Variants in PDE1C observed in about 807,000 individuals in gnomAD.
PDE1C encodes the protein dual specificity calcium/calmodulin-dependent 3',5'-cyclic nucleotide phosphodiesterase 1C.
A neutral mutation model predicts 93.1 loss-of-function variants in PDE1C; 62 were observed. The observed-to-expected ratio is 0.67, with a 90% CI of 0.54 to 0.82. The LOEUF (loss-of-function observed/expected upper bound fraction) is 0.82, where lower values mean the gene tolerates loss of function less well. Among genes scored for constraint, PDE1C ranks in the 40% least tolerant of loss-of-function variants. The probability of loss-of-function intolerance (pLI) is 0.00; values close to 1 mark genes in which losing one functional copy is unlikely to be tolerated. For missense variants in PDE1C, 742 were observed against 884.6 expected (o/e 0.84, Z 2.04); for synonymous variants, 325 against 310.1 (o/e 1.05, Z -0.50).
At chr7:32,219,205 G>C (rs1806653090) in intron 1 of PDE1C, among the ~76,000 whole-genome samples, 2 of 152,188 alleles carry the variant, frequency 1.3e-5, no homozygotes, top group African/African-American at 4.8e-5. Flanking sequence ...GGAGTGACTA[G>C]TAGTGAGAGG....
chr7:32,396,659 A>T (rs1019205875), intron 1 of PDE1C, among the ~76,000 whole-genome samples: 9 of 152,228 alleles, frequency 5.9e-5, no homozygotes, highest in Non-Finnish European at 1.2e-4. Flanking sequence ...TCACTGTAGA[A>T]TACAGACAGA....
intron 2 of PDE1C, among the ~76,000 whole-genome samples, chr7:31,884,158 G>C (rs1797601018): frequency 6.6e-6 from 1 of 152,048 alleles, no homozygotes; most frequent in South Asian, 2.1e-4. Flanking sequence ...TCTGTTTATG[G>C]AAGAACACCC....
Position 31,772,380 on chromosome 7 carries a change from A to C in PDE1C, c.1960+3284T>G, listed in dbSNP as rs539824706. On this transcript the variant is annotated intron_variant, in intron 17 of 17. Transcript: ENST00000396191. ...TGTCCTGTATTCAGGTTATAGCCCTAGCTCTGATTCCCAGTGTCCCCTGCA... is the reference window on the plus strand; with the variant it reads ...TGTCCTGTATTCAGGTTATAGCCCTCGCTCTGATTCCCAGTGTCCCCTGCA... 7.0e-4 allele frequency among the ~76,000 whole-genome samples: 106 copies of C among 152,186 alleles called. 1 individual carries two copies. Among genetic ancestry groups the C allele is most frequent in the South Asian group, 2.9e-3 (14 of 4,828 alleles).
Position 31,994,818 on chromosome 7 carries a change from A to G in PDE1C, c.128+56736T>C, listed in dbSNP as rs116008527. On this transcript the variant is annotated intron_variant, in intron 2 of 17. Coordinates refer to ENST00000396191, the MANE Select transcript of PDE1C (RefSeq NM_001191057.4). ...CGGCACAATTACAAAGAGTAACTGC[A>G]TAGAATATCTGTTCAGTTACCACTC... Among the ~76,000 whole-genome samples, 1,278 of 152,322 alleles carry G rather than the reference A, an allele frequency of 8.4e-3. 21 individuals carry two copies. Among genetic ancestry groups the G allele is most frequent in the African/African-American group, 0.029 (1,225 of 41,572 alleles).
chr7:31,954,693 T>C (rs1429785121), intron 2 of PDE1C, among the ~76,000 whole-genome samples: 2 of 152,188 alleles, frequency 1.3e-5, no homozygotes, highest in Non-Finnish European at 2.9e-5. Context: ...AAAACCACCA[T>C]AGGTTGGTGC....
chr7:31,882,495 C>G (rs994879389), intron 2 of PDE1C, among the ~76,000 whole-genome samples: 1 of 152,142 alleles, frequency 6.6e-6, no homozygotes, highest in Admixed American at 6.6e-5. Context: ...AAGTCTGCCT[C>G]CAGTTCTGAT....
At chr7:31,674,047 T>C in the PDE1C span, among the ~76,000 whole-genome samples, 6 of 152,210 alleles carry the variant, frequency 3.9e-5, no homozygotes, top group Admixed American at 6.5e-5. Context: ...GCACAAATCT[T>C]AAATGAACCA....
intron 3 of PDE1C, among the ~76,000 whole-genome samples, chr7:32,155,087 C>A (rs758789579): frequency 4.0e-5 from 6 of 151,810 alleles, no homozygotes; most frequent in Non-Finnish European, 8.8e-5. Flanking sequence ...CAGAGGCAGG[C>A]AGGAAGCAGA....
rs757933730 is a variant in PDE1C at position 31,837,985 on chromosome 7, C to A, written c.981-14G>T. The A allele has an allele frequency of 1.3e-6, 2 of 1,549,284 alleles. No homozygotes were observed. The highest frequency in any genetic ancestry group is 1.7e-5 in the Admixed American group (1 of 58,400). On this transcript the variant is annotated splice_polypyrimidine_tract_variant and intron_variant, in intron 9 of 17. Coordinates refer to ENST00000396191, the MANE Select transcript of PDE1C (RefSeq NM_001191057.4). The stretch of plus-strand genomic sequence containing the variant: ...GTTCGAAACTCCCTTTTAGAGACAA[C>A]CATGGAGAAAAAAGGATGGAAGTCA...
intron 2 of PDE1C, among the ~76,000 whole-genome samples, chr7:31,970,371 A>C (rs1447319490): frequency 6.6e-6 from 1 of 152,212 alleles, no homozygotes; most frequent in Non-Finnish European, 1.5e-5. Context: ...AGTGAAAACA[A>C]CCAACAATAC....
chr7:32,169,088 T>G (rs2128804180), intron 3 of PDE1C, among the ~76,000 whole-genome samples: 1 of 152,250 alleles, frequency 6.6e-6, no homozygotes, highest in East Asian at 1.9e-4. Flanking sequence ...CCAGTAGTAC[T>G]GTAAATATAC....
At chr7:32,051,683 T>C (rs1447159638) in intron 1 of PDE1C, 103 bp from the exon 2 acceptor site, 5 of 875,796 alleles carry the variant, frequency 5.7e-6, no homozygotes, top group Non-Finnish European at 9.6e-6. Flanking sequence ...CAACACTTCT[T>C]AGGGGGGTTT....
At chr7:32,312,179 C>A (rs1246710270) in intron 1 of PDE1C, among the ~76,000 whole-genome samples, 1 of 152,074 alleles carries the variant, frequency 6.6e-6, no homozygotes, top group Non-Finnish European at 1.5e-5. Flanking sequence ...AATAAAATAC[C>A]TAGCAATCCA....
chr7:32,031,055 C>G (rs961140171), intron 2 of PDE1C, among the ~76,000 whole-genome samples: 2 of 152,122 alleles, frequency 1.3e-5, no homozygotes, highest in African/African-American at 4.8e-5. Flanking sequence ...CTTTCTGTCT[C>G]GTGAAGATTC....
At chr7:31,962,366 G>C (rs1172987608) in intron 2 of PDE1C, among the ~76,000 whole-genome samples, 2 of 152,218 alleles carry the variant, frequency 1.3e-5, no homozygotes, top group Non-Finnish European at 2.9e-5. Context: ...ACTTGCAACA[G>C]TTAAAAACCA....
At chr7:31,635,149 A>G in the PDE1C span, among the ~76,000 whole-genome samples, 1 of 152,174 alleles carries the variant, frequency 6.6e-6, no homozygotes, top group African/African-American at 2.4e-5. Flanking sequence ...TTAATAATCC[A>G]TCATGGCCAT....
intron 2 of PDE1C, among the ~76,000 whole-genome samples, chr7:32,005,578 A>AC (rs1554461618): frequency 6.7e-5 from 7 of 103,792 alleles, no homozygotes; most frequent in African/African-American, 1.7e-4. Flanking sequence ...AAAAAAAAAA[A>AC]AAAGAATTGT....
intron 3 of PDE1C, among the ~76,000 whole-genome samples, chr7:32,130,817 C>T (rs1326136052): frequency 6.6e-6 from 1 of 152,010 alleles, no homozygotes; most frequent in Non-Finnish European, 1.5e-5. Context: ...AAAATTGTAA[C>T]CTCTCTCCCC....
chr7:31,880,951 A>T (rs1179266484), intron 2 of PDE1C, 91 bp from the exon 3 acceptor site: 5 of 779,302 alleles, frequency 6.4e-6, no homozygotes, highest in Non-Finnish European at 8.8e-6. Context: ...GTCATCGAAT[A>T]TTCTCACTTA....
Sources: allele counts gnomAD v4.1 joint callset (sites outside exome capture counted in the v4.1 genomes callset), GRCh38; gene constraint gnomAD v4.1.1; transcripts MANE v1.5; gene names NCBI Gene and HGNC (gene_info 2026-07-23, HGNC 2026-07-21).